ACAA1: variants seen among roughly 807,000 people sequenced by gnomAD.
ACAA1 encodes acetyl-CoA acyltransferase 1.
Under a neutral mutation model 48.8 loss-of-function variants are expected in ACAA1, and 44 were observed. The observed-to-expected ratio is 0.90, with a 90% CI of 0.71 to 1.16. ACAA1 has a LOEUF of 1.16. ACAA1 is among the 50% of genes most tolerant of loss of function. The pLI, the probability that ACAA1 is intolerant of heterozygous loss-of-function variation, is 0.00. For missense variants in ACAA1, 512 were observed against 562.3 expected, an observed-to-expected ratio of 0.91 and a Z score of 0.90; for synonymous variants, 233 against 226.5, an observed-to-expected ratio of 1.03 and a Z score of -0.26.
At chr3:38,132,354 C>T (rs1700806556) in intron 3 of ACAA1, 1 of 169,318 alleles carries the variant, frequency 5.9e-6, no homozygotes, top group South Asian at 1.5e-4. Context: ...GAAATGAAAA[C>T]TGTGTATCTC....
intron 9 of ACAA1, 53 bp from the exon 10 acceptor site, chr3:38,125,934 G>C (rs753131208): frequency 7.4e-6 from 12 of 1,610,936 alleles, no homozygotes; most frequent in Non-Finnish European, 1.0e-5. Context: ...GCCTCCCCTG[G>C]GGCCCACCCC....
At chr3:38,131,534 G>A (rs1700788719) in intron 5 of ACAA1, 62 bp downstream of exon 5, 1 of 1,553,642 alleles carries the variant, frequency 6.4e-7, no homozygotes, top group Middle Eastern at 1.7e-4. Context: ...TGAGAACTCA[G>A]ATGAAAATTA....
Position 38,137,007 on chromosome 3 carries a change from T to C in ACAA1, c.29A>G (p.His10Arg). MQRLQVVLG[H>R]LRGPADSGWM... Reference sequence around the variant, plus strand: ...GCCGGAATCGGCCGGACCCCTCAGGTGGCCCAGCACTACCTGCAGCCTCTG... The same window carrying C: ...GCCGGAATCGGCCGGACCCCTCAGGCGGCCCAGCACTACCTGCAGCCTCTG... Residue 10 changes from histidine (H) to arginine (R), a missense_variant, in exon 1 of 12, where the codon CAC becomes CGC. His to Arg is a conservative substitution (Grantham distance 29). Coordinates refer to ENST00000333167, the MANE Select transcript of ACAA1 (RefSeq NM_001607.4). 6.4e-7 allele frequency: 1 copy of C among 1,566,220 alleles called. No homozygotes were observed. Among genetic ancestry groups the C allele is most frequent in the Non-Finnish European group, 8.6e-7 (1 of 1,157,876 alleles).
At chr3:38,134,324 A>G (rs1700844829) in intron 2 of ACAA1, 1 of 450,402 alleles carries the variant, frequency 2.2e-6, no homozygotes, top group Non-Finnish European at 4.1e-6. Context: ...GAAAATGCAC[A>G]TCTCCCCAGG....
Position 38,136,866 on chromosome 3 carries a change from T to G in ACAA1, c.170A>C (p.Lys57Thr), listed in dbSNP as rs978483635. The change falls in exon 1 of 12, where the codon AAG becomes ACG. Residue 57 changes from lysine to threonine, a missense_variant and splice_region_variant. Lys to Thr is a moderately conservative substitution (Grantham distance 78). Transcript: ENST00000333167. ...GGCGCCCAGACCCTCGGGCCTCACC[T>G]TGAAGCCGCCGCGGCCCGCCCGGCA... The part of the protein sequence containing the change: ...AICRAGRGGF[K>T]DTTPDELLSA... 6.6e-7 allele frequency: 1 copy of G among 1,524,418 alleles called. No individual in the cohort carries two copies. The highest frequency in any genetic ancestry group is 1.2e-5 in the South Asian group (1 of 82,716). 94.4% of individuals were successfully genotyped at this position (1,524,418 alleles called of 1,614,324 possible).
At chr3:38,131,683 T>C (rs746666135) in intron 4 of ACAA1, 45 bp from the exon 5 acceptor site, 1 of 1,605,314 alleles carries the variant, frequency 6.2e-7, no homozygotes, top group Non-Finnish European at 8.5e-7. Context: ...AGAGTCCACC[T>C]GTTCTGGAAG....
chr3:38,124,189 CTG>C (rs1360008448), intron 11 of ACAA1: 3 of 152,204 alleles, frequency 2.0e-5, no homozygotes, highest in Non-Finnish European at 4.4e-5. Context: ...AACAGACAAA[CTG>C]TATTCATAAA....
intron 2 of ACAA1, among the ~76,000 whole-genome samples, chr3:38,136,030 T>C (rs909052526): frequency 3.3e-5 from 5 of 152,166 alleles, no homozygotes; most frequent in African/African-American, 7.2e-5. Context: ...TAATCGAGAA[T>C]GGAGAATGGC....
Position 38,127,906 on chromosome 3 carries a change from C to T in ACAA1, c.546-40G>A, listed in dbSNP as rs200149722. The T allele has an allele frequency of 1.9e-5, 30 of 1,606,610 alleles. No individual in the cohort carries two copies. The East Asian group carries it at 5.6e-4, about 30-fold the overall frequency. On this transcript the variant is annotated intron_variant, in intron 6 of 11. Transcript: ENST00000333167. ...GCAGATAGTGTGGGCATTGGTCTGACAGCCTAGAGGAAGGGACCAGGCTGT... is the reference window on the plus strand; with the variant it reads ...GCAGATAGTGTGGGCATTGGTCTGATAGCCTAGAGGAAGGGACCAGGCTGT...
rs76106932 is a variant in ACAA1 at position 38,125,660 on chromosome 3, G to A, written c.1104C>T (p.Pro368=). The change falls in exon 11 of 12, where the codon CCC becomes CCT. Residue 368 remains proline (P), a synonymous_variant. Transcript: ENST00000333167. ...GCCCTAAGGCCACTGCACCCCCCAG[G>A]GGGTTCACCTTCTCAGGGGGGAGTC... The part of the protein sequence containing the change: ...KLRLPPEKVN[P]LGGAVALGHP... The A allele has an allele frequency of 9.2e-4, 1,473 of 1,599,234 alleles. 19 individuals carry two copies. In the African/African-American group the frequency reaches 0.018, roughly 19 times the overall value.
chr3:38,133,887 C>T lies in ACAA1; in HGVS notation c.323+65G>A. The T allele has an allele frequency of 1.9e-6, 3 of 1,552,514 alleles. No homozygotes were observed. The South Asian group carries it at 3.3e-5, about 17-fold the overall frequency. On this transcript the variant is annotated intron_variant, in intron 3 of 11. Coordinates refer to ENST00000333167, the MANE Select transcript of ACAA1 (RefSeq NM_001607.4). ...CCTCCCCAACCTGCACACTGAGTTT[C>T]CTGGGGCCTGGGCCCAGTAAAGTGT...
Position 38,125,468 on chromosome 3 carries a change from A to T in ACAA1, c.1199+97T>A, listed in dbSNP as rs1429760657. On this transcript the variant is annotated intron_variant, in intron 11 of 11. Transcript: ENST00000333167. Reference sequence around the variant, plus strand: ...GGTGCTCAGGACTGTGTCTGTCGAGATTATGATCCAAAGCCCACCTACCTC... The same window carrying T: ...GGTGCTCAGGACTGTGTCTGTCGAGTTTATGATCCAAAGCCCACCTACCTC... 9 of 1,428,454 alleles carry T rather than the reference A, an allele frequency of 6.3e-6. No homozygotes were observed. In the African/African-American group the frequency reaches 7.2e-5, roughly 11 times the overall value. 88.5% of individuals were successfully genotyped at this position (1,428,454 alleles called of 1,614,324 possible).
At chr3:38,128,352 T>C (rs1420192528) in intron 6 of ACAA1, among the ~76,000 whole-genome samples, 1 of 152,208 alleles carries the variant, frequency 6.6e-6, no homozygotes, top group Non-Finnish European at 1.5e-5. Context: ...CCTGGTCACC[T>C]TGGCTGGGGT....
intron 2 of ACAA1, among the ~76,000 whole-genome samples, chr3:38,135,743 A>G (rs996523428): frequency 1.3e-5 from 2 of 152,144 alleles, no homozygotes; most frequent in Non-Finnish European, 2.9e-5. Flanking sequence ...AGCAGGAGAC[A>G]GATGCTTTCC....
At position 38,133,988 on chromosome 3, in the gene ACAA1, G is replaced by A; in HGVS notation, c.287C>T (p.Ala96Val). ...GGCGATTCGGGCCATGATTGCCCCG[G>A]CCCCAGGCTGCAGCACATTTCCTGT... ...ICVGNVLQPG[A>V]GAIMARIAQF... The change falls in exon 3 of 12, where the codon GCC (alanine) becomes GTC (valine). Residue 96 changes from alanine (A) to valine (V), a missense_variant. Transcript: ENST00000333167. 1.9e-6 allele frequency: 3 copies of A among 1,614,016 alleles called. No homozygotes were observed. The highest frequency in any genetic ancestry group is 2.5e-6 in the Non-Finnish European group (3 of 1,179,958).
Position 38,126,721 on chromosome 3 carries a change from C to T in ACAA1, c.627-21G>A, listed in dbSNP as rs750987835. On this transcript the variant is annotated intron_variant, in intron 7 of 11. Coordinates refer to ENST00000333167, the MANE Select transcript of ACAA1 (RefSeq NM_001607.4). This position sits in a 1 kb window ranked among gnomAD's most constrained non-coding sequence, Gnocchi z 4.7. ...CTGCCCTGCCAGCACCATGGACAGC[C>T]AGCTTCAGACTCCCTTGGGGTTCCC... 2 of 1,612,396 alleles carry T rather than the reference C, an allele frequency of 1.2e-6. No individual in the cohort carries two copies. The highest frequency in any genetic ancestry group is 1.7e-6 in the Non-Finnish European group (2 of 1,179,994).
In ACAA1 at chr3:38,122,787, T is replaced by C. The variant is rs1443709733; in HGVS notation, c.*260A>G. On this transcript the variant is annotated 3_prime_UTR_variant, in exon 12 of 12. Transcript: ENST00000333167. The stretch of plus-strand genomic sequence containing the variant: ...TTTGCCTTGCCTTAAGAATTAACCA[T>C]GGCCTTGTGGCCTGGGTGACCCAGG... The C allele has an allele frequency of 4.6e-6, 5 of 1,090,590 alleles. No individual in the cohort carries two copies. The East Asian group carries it at 1.1e-4, about 24-fold the overall frequency. The allele number at this position is 1,090,590 out of a possible 1,614,324, so 67.6% of individuals were successfully genotyped here.
At position 38,137,044 on chromosome 3, in the gene ACAA1, T is replaced by C; in HGVS notation, c.-9A>G. On this transcript the variant is annotated 5_prime_UTR_variant, in exon 1 of 12. An upstream open reading frame in the 5' UTR loses its in-frame stop. Transcript: ENST00000333167. ...ACCTGCAGCCTCTGCATTGCGCAGG[T>C]CAACCCTGCAGACCAGCCACCAGTC... 2 of 1,554,348 alleles carry C rather than the reference T, an allele frequency of 1.3e-6. No individual in the cohort carries two copies. Among genetic ancestry groups the C allele is most frequent in the Non-Finnish European group, 1.7e-6 (2 of 1,152,994 alleles).
Position 38,122,795 on chromosome 3 carries a change from T to G in ACAA1, c.*252A>C. ...GCCTTAAGAATTAACCATGGCCTTGTGGCCTGGGTGACCCAGGCTGCTTTT... is the reference window on the plus strand; with the variant it reads ...GCCTTAAGAATTAACCATGGCCTTGGGGCCTGGGTGACCCAGGCTGCTTTT... On this transcript the variant is annotated 3_prime_UTR_variant, in exon 12 of 12. Transcript: ENST00000333167. 1.9e-6 allele frequency: 2 copies of G among 1,062,780 alleles called. No individual in the cohort carries two copies. Among genetic ancestry groups the G allele is most frequent in the Non-Finnish European group, 2.6e-6 (2 of 766,468 alleles). 65.8% of individuals were successfully genotyped at this position (1,062,780 alleles called of 1,614,324 possible).
Sources: allele counts gnomAD v4.1 joint callset (sites outside exome capture counted in the v4.1 genomes callset), GRCh38; gene constraint gnomAD v4.1.1; non-coding constraint Gnocchi (gnomAD v3.1); transcripts MANE v1.5; gene names NCBI Gene and HGNC (gene_info 2026-07-23, HGNC 2026-07-21).